The following ZNF208 variants were observed in gnomAD, a reference collection of about 807,000 sequenced individuals.
ZNF208 encodes the protein zinc finger protein 95.
A neutral mutation model predicts 12.1 loss-of-function variants in ZNF208; 10 were observed. That is an observed-to-expected ratio of 0.83 (90% CI 0.51 to 1.40). ZNF208 has a LOEUF of 1.40. Among genes scored for constraint, ZNF208 ranks in the 40% most tolerant of loss-of-function variants. The pLI, the probability that ZNF208 is intolerant of heterozygous loss-of-function variation, is 0.00. For synonymous variants in ZNF208, 497 were observed against 488.4 expected, an observed-to-expected ratio of 1.02 and a Z score of -0.23; for missense variants, 1,652 against 1,485.0, an observed-to-expected ratio of 1.11 and a Z score of -1.85.
chr19:21,997,005 A>C (rs1410968488), intron 1 of ZNF208, among the ~76,000 whole-genome samples: 1 of 152,160 alleles, frequency 6.6e-6, no homozygotes, highest in African/African-American at 2.4e-5. Context: ...TCTAGAGTAA[A>C]GCTTAGTTGG....
Position 21,983,867 on chromosome 19 carries a change from G to A in ZNF208, c.226+3349C>T, listed in dbSNP as rs149316792. On this transcript the variant is annotated intron_variant, in intron 3 of 3. Transcript: ENST00000397126. ...GGCCTGTCAAGGGGTGGGGGCTAGG[G>A]GAGGGATAACATTAGGAGAAATACC... is the stretch of plus-strand genomic sequence containing the variant. Among the ~76,000 whole-genome samples the A allele has an allele frequency of 7.3e-4, 111 of 152,192 alleles. No homozygotes were observed. The East Asian group carries it at 0.019, about 26-fold the overall frequency.
intron 1 of ZNF208, among the ~76,000 whole-genome samples, chr19:22,000,849 TA>T (rs531039337): frequency 3.3e-5 from 5 of 151,238 alleles, no homozygotes; most frequent in South Asian, 4.2e-4. Flanking sequence ...CAATTAGAAA[TA>T]AAAAAAAGAG....
chr19:21,981,150 T>C (rs1205365817), intron 3 of ZNF208, among the ~76,000 whole-genome samples: 1 of 152,092 alleles, frequency 6.6e-6, no homozygotes. Flanking sequence ...GCTGATTCTA[T>C]TATTTCTGAA....
Position 21,970,870 on chromosome 19 carries a change from C to T in ZNF208, c.*321G>A, listed in dbSNP as rs143587172. The T allele has an allele frequency of 1.0e-3, 1,579 of 1,514,892 alleles. 6 individuals carry two copies. In the African/African-American group the frequency reaches 0.018, roughly 18 times the overall value. The allele number at this position is 1,514,892 out of a possible 1,614,324, so 93.8% of individuals were successfully genotyped here. ...TCTTCACATTTGTAGGGTTTCTCTC[C>T]AGTATGAATTTTCTATGATAACTGA... On this transcript the variant is annotated 3_prime_UTR_variant, in exon 4 of 4. Transcript: ENST00000397126.
At chr19:21,990,006 G>A (rs549479471) in intron 1 of ZNF208, among the ~76,000 whole-genome samples, 2 of 152,084 alleles carry the variant, frequency 1.3e-5, no homozygotes, top group East Asian at 3.9e-4. Flanking sequence ...TGAGTAGTTT[G>A]CGAAAATTTT....
chr19:21,941,574 C>CTTTTT (rs200054294), intron 4 of ZNF208: 1 of 300,566 alleles, frequency 3.3e-6, no homozygotes, highest in African/African-American at 2.2e-5. Flanking sequence ...CATGCTTTAG[C>CTTTTT]TTTTTTTTTT....
chr19:21,952,403 C>T (rs373072109), intron 4 of ZNF208, among the ~76,000 whole-genome samples: 3 of 152,156 alleles, frequency 2.0e-5, no homozygotes, highest in Non-Finnish European at 2.9e-5. Context: ...CAGTAGAGGC[C>T]GACAGATACC....
At chr19:21,989,918 T>G (rs75181699) in intron 1 of ZNF208, among the ~76,000 whole-genome samples, 58,369 of 151,890 alleles carry the variant, frequency 0.38, 11,624 homozygotes, top group East Asian at 0.48. Context: ...TTGCCCACTT[T>G]TTGATGGGGT....
At position 21,974,311 on chromosome 19, in the gene ZNF208, G is replaced by T. The variant is rs1970382112; in HGVS notation, c.723C>A (p.Phe241Leu). 5 of 1,613,606 alleles carry T rather than the reference G, an allele frequency of 3.1e-6. No individual in the cohort carries two copies. The highest frequency in any genetic ancestry group is 4.2e-6 in the Non-Finnish European group (5 of 1,179,788). Reference sequence around the variant, plus strand: ...TTACCTTATGTTTAGTAAGGATTGAGAACTTACTAAAGGCTTTGCCACATT... The same window carrying T: ...TTACCTTATGTTTAGTAAGGATTGATAACTTACTAAAGGCTTTGCCACATT... ...CKECGKAFSK[F>L]SILTKHKVIH... Residue 241 changes from phenylalanine to leucine, a missense_variant, in exon 4 of 4, where the codon TTC becomes TTA. Physicochemically the swap from Phe to Leu is conservative, Grantham distance 22. This residue lies in a region of ZNF208 where 410 missense variants were observed against 378.2 expected (regional missense o/e 1.08). Transcript: ENST00000397126.
intron 4 of ZNF208, among the ~76,000 whole-genome samples, chr19:21,946,886 T>C (rs1283603407): frequency 4.6e-5 from 7 of 152,150 alleles, no homozygotes; most frequent in Admixed American, 4.6e-4. Context: ...CTAAAAGCCC[T>C]TGGACCAACT....
intron 2 of ZNF208, among the ~76,000 whole-genome samples, chr19:21,987,546 A>G (rs1389046637): frequency 6.6e-6 from 1 of 152,180 alleles, no homozygotes; most frequent in Non-Finnish European, 1.5e-5. Context: ...AAGCCTCCTT[A>G]CTGCCATCAC....
chr19:21,994,939 A>C (rs1358230798), intron 1 of ZNF208, among the ~76,000 whole-genome samples: 2 of 147,354 alleles, frequency 1.4e-5, no homozygotes, highest in African/African-American at 4.9e-5. Flanking sequence ...ATGACTGCTT[A>C]TCTGTTTTTC....
At chr19:21,978,376 A>C (rs1268869672) in intron 3 of ZNF208, among the ~76,000 whole-genome samples, 1 of 152,220 alleles carries the variant, frequency 6.6e-6, no homozygotes, top group East Asian at 1.9e-4. Flanking sequence ...AGAGGAAGGA[A>C]CAGGCAGCAA....
intron 4 of ZNF208, among the ~76,000 whole-genome samples, chr19:21,950,259 C>T (rs1178495888): frequency 3.3e-5 from 5 of 152,060 alleles, no homozygotes; most frequent in African/African-American, 1.2e-4. Context: ...TTACTTTTAT[C>T]CACTCTTTCT....
Position 21,956,824 on chromosome 19 carries a change from C to A in ZNF208, c.305+17905G>T, listed in dbSNP as rs148787147. On this transcript the variant is annotated intron_variant, in intron 4 of 4. Coordinates refer to the ZNF208 transcript ENST00000599916. ...GTCCCACCCTGCTTCGGCTCACACT[C>A]CATAGGCTGCACCCACTGTCCAACA... 2.4e-3 allele frequency among the ~76,000 whole-genome samples: 373 copies of A among 152,274 alleles called. 2 individuals carry two copies. Among genetic ancestry groups the A allele is most frequent in the African/African-American group, 8.2e-3 (341 of 41,552 alleles).
chr19:21,942,750 A>T (rs977147714), intron 4 of ZNF208, among the ~76,000 whole-genome samples: 4 of 151,944 alleles, frequency 2.6e-5, no homozygotes, highest in African/African-American at 9.7e-5. Flanking sequence ...CTGGGTTCAC[A>T]CAATTCTCCT....
At chr19:21,960,019 T>C (rs571792222) in intron 4 of ZNF208, among the ~76,000 whole-genome samples, 1 of 152,294 alleles carries the variant, frequency 6.6e-6, no homozygotes, top group East Asian at 1.9e-4. Flanking sequence ...TTTCTGGTAA[T>C]ACAGCAGTTG....
At chr19:21,949,717 G>A (rs959778917) in intron 4 of ZNF208, among the ~76,000 whole-genome samples, 2 of 152,154 alleles carry the variant, frequency 1.3e-5, no homozygotes, top group Non-Finnish European at 2.9e-5. Context: ...TTTTAACTAA[G>A]GCTTAAGGTC....
At chr19:21,995,358 A>G (rs1395714270) in intron 1 of ZNF208, among the ~76,000 whole-genome samples, 1 of 151,816 alleles carries the variant, frequency 6.6e-6, no homozygotes, top group Non-Finnish European at 1.5e-5. Context: ...AACTGGAAAA[A>G]CTCTCATCTG....
Sources: allele counts gnomAD v4.1 joint callset (sites outside exome capture counted in the v4.1 genomes callset), GRCh38; gene constraint gnomAD v4.1.1; regional missense constraint gnomAD v4.1.1; transcripts MANE v1.5; gene names NCBI Gene and HGNC (gene_info 2026-07-23, HGNC 2026-07-21).